SUSD2: variants seen among roughly 807,000 people sequenced by gnomAD.
SUSD2 encodes the protein sushi domain containing 2.
Under a neutral mutation model 93.8 loss-of-function variants are expected in SUSD2, and 86 were observed. That is an observed-to-expected ratio of 0.92 (90% confidence interval 0.77 to 1.10). The LOEUF is 1.10. SUSD2 is among the 50% of genes least tolerant of loss of function. SUSD2 has a pLI of 0.00. For synonymous variants in SUSD2, 483 were observed against 485.0 expected (o/e 1.00, Z 0.05); for missense variants, 1,060 against 1,137.0 (o/e 0.93, Z 0.97).
chr22:24,185,368 G>A, intron 6 of SUSD2, 73 bp downstream of exon 6: 1 of 1,552,402 alleles, frequency 6.4e-7, no homozygotes, highest in Non-Finnish European at 8.7e-7. Flanking sequence ...ACCAGGGGAG[G>A]CAGACAGAGG....
chr22:24,181,841 C>T (rs1186624039), intron 1 of SUSD2, among the ~76,000 whole-genome samples: 1 of 152,186 alleles, frequency 6.6e-6, no homozygotes. Flanking sequence ...CCAGCAGAGG[C>T]CTCCGCCTGT....
rs879546784 is a variant in SUSD2 at position 24,181,879 on chromosome 22, C to T, written c.76+284C>T. 2.6e-5 allele frequency among the ~76,000 whole-genome samples: 4 copies of T among 152,184 alleles called. No individual in the cohort carries two copies. The South Asian group carries it at 6.2e-4, about 24-fold the overall frequency. On this transcript the variant is annotated intron_variant, in intron 1 of 14. Transcript: ENST00000358321. Reference sequence around the variant, plus strand: ...CCCCAGCCCTGACAGGGCGGGATCACGGAGGGGGAGCCAGGATTGTGGGTC... The same window carrying T: ...CCCCAGCCCTGACAGGGCGGGATCATGGAGGGGGAGCCAGGATTGTGGGTC...
At position 24,187,605 on chromosome 22, in the gene SUSD2, C is replaced by T. The variant is rs150529613; in HGVS notation, c.1926C>T (p.Tyr642=). The change falls in exon 12 of 15, where the codon TAC becomes TAT. Residue 642 remains tyrosine (Y), a synonymous_variant. Transcript: ENST00000358321. ...ACAATGCGTCCTCCCTGCTCACCTACGATTCCTGGTTCCTGGTCCACAACT... is the reference window on the plus strand; with the variant it reads ...ACAATGCGTCCTCCCTGCTCACCTATGATTCCTGGTTCCTGGTCCACAACT... ...TVHNASSLLT[Y]DSWFLVHNFL... 67 of 1,613,810 alleles carry T rather than the reference C, an allele frequency of 4.2e-5. No homozygotes were observed. Among genetic ancestry groups the T allele is most frequent in the Admixed American group, 5.0e-5 (3 of 59,990 alleles).
At chr22:24,187,508 C>T (rs948176416) in intron 11 of SUSD2, 58 bp downstream of exon 11, 11 of 1,604,314 alleles carry the variant, frequency 6.9e-6, no homozygotes, top group African/African-American at 4.0e-5. Context: ...AAACATGGCA[C>T]GGGCAGGGCT....
At chr22:24,186,468 C>T (rs1351671954) in intron 10 of SUSD2, 53 bp downstream of exon 10, 1 of 1,589,166 alleles carries the variant, frequency 6.3e-7, no homozygotes, top group Non-Finnish European at 8.6e-7. Flanking sequence ...CCTCCCCATT[C>T]CTGCAGGGAG....
At position 24,187,557 on chromosome 22, in the gene SUSD2, C is replaced by T; in HGVS notation, c.1892-14C>T. 6.2e-7 allele frequency: 1 copy of T among 1,605,354 alleles called. No homozygotes were observed. Among genetic ancestry groups the T allele is most frequent in the Non-Finnish European group, 8.5e-7 (1 of 1,173,862 alleles). ...GAGCCATGCCCAGCCAGGCCCCGGT[C>T]ATGTATCTTCCAGGGACCGTGCACA... On this transcript the variant is annotated splice_polypyrimidine_tract_variant and intron_variant, in intron 11 of 14. Coordinates refer to ENST00000358321, the MANE Select transcript of SUSD2 (RefSeq NM_019601.4).
chr22:24,185,359 C>T, intron 6 of SUSD2, 64 bp downstream of exon 6: 1 of 1,559,984 alleles, frequency 6.4e-7, no homozygotes, highest in South Asian at 1.2e-5. Context: ...GAGGACAGCA[C>T]CAGGGGAGGC....
Position 24,188,642 on chromosome 22 carries a change from CT to C in SUSD2, c.*208del. 1.7e-6 allele frequency: 1 copy of C among 579,416 alleles called. No individual in the cohort carries two copies. The highest frequency in any genetic ancestry group is 2.1e-5 in the South Asian group (1 of 46,914). 35.9% of individuals were successfully genotyped at this position (579,416 alleles called of 1,614,324 possible). A position where few individuals can be genotyped will look rare whatever the true frequency, so the allele number is the denominator to read the frequency against. ...CCCCGTGCTAGCAGCGCTCCGTGCTCTTCCCCAAATACTCACGGCTCTAATT... is the reference window on the plus strand; with the variant it reads ...CCCCGTGCTAGCAGCGCTCCGTGCTCTCCCCAAATACTCACGGCTCTAATT... On this transcript the variant is annotated 3_prime_UTR_variant, in exon 15 of 15. Transcript: ENST00000358321. The surrounding 1 kb of genome is among the most constrained non-coding windows in gnomAD (Gnocchi z 4.7).
chr22:24,185,771 C>T lies in SUSD2; in HGVS notation c.1181C>T (p.Ala394Val). ...CCCGACCGCGGCCATGACTGGGGCG[C>T]ACCCCCGTTCCGCACGCCACCCCGA... Reference protein sequence around the residue: ...STPDRGHDWGAPPFRTPPRVP... With the variant: ...STPDRGHDWGVPPFRTPPRVP... Residue 394 changes from alanine (A) to valine (V), a missense_variant, in exon 8 of 15, where the codon GCA (alanine) becomes GTA (valine). By Grantham distance (64) the Ala-to-Val change is moderately conservative. Coordinates refer to ENST00000358321, the MANE Select transcript of SUSD2 (RefSeq NM_019601.4). 2 of 1,609,912 alleles carry T rather than the reference C, an allele frequency of 1.2e-6. No homozygotes were observed. The highest frequency in any genetic ancestry group is 1.7e-6 in the Non-Finnish European group (2 of 1,178,800).
rs1205303422 is a variant in SUSD2 at position 24,188,601 on chromosome 22, TG to T, written c.*166del. On this transcript the variant is annotated 3_prime_UTR_variant, in exon 15 of 15. Coordinates refer to ENST00000358321, the MANE Select transcript of SUSD2 (RefSeq NM_019601.4). The surrounding 1 kb of genome is among the most constrained non-coding windows in gnomAD (Gnocchi z 4.7). ...CTCAGACCCCAGGCAGGAGGCCCAG[TG>T]TTCCAACACCCAAGCCCCGTGCTAG... 1 of 654,778 alleles carries T rather than the reference TG, an allele frequency of 1.5e-6. No individual in the cohort carries two copies. The highest frequency in any genetic ancestry group is 2.8e-5 in the East Asian group (1 of 36,306). 40.6% of individuals were successfully genotyped at this position (654,778 alleles called of 1,614,324 possible).
In SUSD2 at chr22:24,186,294, C is replaced by A. The variant is rs374010010; in HGVS notation, c.1521C>A (p.Ala507=). 1 of 1,613,818 alleles carries A rather than the reference C, an allele frequency of 6.2e-7. No homozygotes were observed. The highest frequency in any genetic ancestry group is 8.5e-7 in the Non-Finnish European group (1 of 1,180,034). Residue 507 remains alanine, a synonymous_variant, in exon 10 of 15, where the codon GCC becomes GCA. Transcript: ENST00000358321. ...ETRGTGLTAV[A]VQEGNSDVVE... ...GTGGCACTGGGCTGACCGCAGTGGC[C>A]GTCCAGGAGGGCAACTCAGATGTGG...
In SUSD2 at chr22:24,188,587, G is replaced by T; in HGVS notation, c.*151G>T. The T allele has an allele frequency of 1.4e-6, 1 of 714,078 alleles. No individual in the cohort carries two copies. Among genetic ancestry groups the T allele is most frequent in the South Asian group, 1.8e-5 (1 of 55,552 alleles). The allele number at this position is 714,078 out of a possible 1,614,324, so 44.2% of individuals were successfully genotyped here. On this transcript the variant is annotated 3_prime_UTR_variant, in exon 15 of 15. Coordinates refer to ENST00000358321, the MANE Select transcript of SUSD2 (RefSeq NM_019601.4). This position sits in a 1 kb window ranked among gnomAD's most constrained non-coding sequence, Gnocchi z 4.7. ...CCCTACTCTGTCATCTCAGACCCCA[G>T]GCAGGAGGCCCAGTGTTCCAACACC...
chr22:24,183,413 C>T, intron 2 of SUSD2, 82 bp from the exon 3 acceptor site: 17 of 1,557,936 alleles, frequency 1.1e-5, no homozygotes, highest in Non-Finnish European at 1.3e-5. Context: ...TGGTTGGGTT[C>T]CCCAGGGAGG....
chr22:24,185,345 C>G, intron 6 of SUSD2, 50 bp downstream of exon 6: 3 of 1,577,174 alleles, frequency 1.9e-6, no homozygotes, highest in East Asian at 4.6e-5. Context: ...TTAGCCTCCC[C>G]ACTGAGGACA....
At chr22:24,182,062 G>T (rs1342664500) in intron 1 of SUSD2, among the ~76,000 whole-genome samples, 1 of 150,598 alleles carries the variant, frequency 6.6e-6, no homozygotes, top group Non-Finnish European at 1.5e-5. Context: ...CTCCTCCCCC[G>T]ACCCCTGTGC....
chr22:24,187,001 G>C, intron 10 of SUSD2: 1 of 640,956 alleles, frequency 1.6e-6, no homozygotes, highest in African/African-American at 1.8e-5. Flanking sequence ...CTGCACCTCA[G>C]GTGCCGCTGG....
At position 24,187,583 on chromosome 22, in the gene SUSD2, A is replaced by G. The variant is rs768643389; in HGVS notation, c.1904A>G (p.Asn635Ser). Residue 635 changes from asparagine (N) to serine (S), a missense_variant, in exon 12 of 15, where the codon AAT becomes AGT. This residue lies in a region of SUSD2 where 973 missense variants were observed against 1,005.3 expected (regional missense o/e 0.97). Coordinates refer to ENST00000358321, the MANE Select transcript of SUSD2 (RefSeq NM_019601.4). ...ATGTATCTTCCAGGGACCGTGCACAATGCGTCCTCCCTGCTCACCTACGAT... is the reference window on the plus strand; with the variant it reads ...ATGTATCTTCCAGGGACCGTGCACAGTGCGTCCTCCCTGCTCACCTACGAT... Reference protein sequence around the residue: ...FLFGANWTVHNASSLLTYDSW... With the variant: ...FLFGANWTVHSASSLLTYDSW... The G allele has an allele frequency of 3.2e-5, 51 of 1,612,320 alleles. No homozygotes were observed. The highest frequency in any genetic ancestry group is 4.1e-5 in the Non-Finnish European group (48 of 1,179,036).
rs2047355827 is a variant in SUSD2 at position 24,185,466 on chromosome 22, A to AGTC, written c.985-19_985-18insTCG. On this transcript the variant is annotated intron_variant, in intron 6 of 14. Transcript: ENST00000358321. ...ACAGAACCCGAGGCCACTGGGTGAC[A>AGTC]GCCACCTGCTGCTCTGCAGACGGAC... 6.4e-7 allele frequency: 1 copy of AGTC among 1,554,168 alleles called. No homozygotes were observed. Among genetic ancestry groups the AGTC allele is most frequent in the East Asian group, 2.4e-5 (1 of 41,240 alleles).
In SUSD2 at chr22:24,183,580, C is replaced by G; in HGVS notation, c.373C>G (p.Arg125Gly). 2 of 1,613,398 alleles carry G rather than the reference C, an allele frequency of 1.2e-6. No individual in the cohort carries two copies. The highest frequency in any genetic ancestry group is 1.1e-5 in the South Asian group (1 of 91,090). ...CVSPLLYESG[R>G]IPFTVSLDNG... ...GTCACCTCTGCTCTATGAGAGCGGC[C>G]GCATCCCCTTCACTGTGTCACTGGA... Residue 125 changes from arginine (R) to glycine (G), a missense_variant, in exon 3 of 15, where the codon CGC (arginine) becomes GGC (glycine). Arg to Gly is a moderately radical substitution (Grantham distance 125). Around this residue, in one of 2 missense-constraint regions of SUSD2, gnomAD observed 973 missense variants for 1,005.3 expected, o/e 0.97. Transcript: ENST00000358321.
Sources: gnomAD v4.1 joint callset for allele counts (sites outside exome capture counted in the v4.1 genomes callset) on GRCh38, gnomAD v4.1.1 for gene constraint, gnomAD v4.1.1 regional missense constraint, Gnocchi (gnomAD v3.1) non-coding constraint, MANE v1.5 for transcripts, NCBI Gene and HGNC (gene_info 2026-07-23, HGNC 2026-07-21) for gene names.